Variants in CDK19 observed in about 807,000 individuals in gnomAD.
CDK19 encodes cyclin-dependent kinase 19.
In CDK19, 20 loss-of-function variants were observed where a neutral mutation model predicts 68.3. That is an observed-to-expected ratio of 0.29 (90% CI 0.21 to 0.43). The LOEUF (loss-of-function observed/expected upper bound fraction) is 0.43, where lower values mean the gene tolerates loss of function less well. Ranked by LOEUF, CDK19 falls within the 20% of genes least tolerant of loss-of-function variation. The pLI, the probability that CDK19 is intolerant of heterozygous loss-of-function variation, is 1.00. For synonymous variants in CDK19, 221 were observed against 222.8 expected (o/e 0.99, Z 0.07); for missense variants, 339 against 623.5 (o/e 0.54, Z 4.86).
intron 1 of CDK19, among the ~76,000 whole-genome samples, chr6:110,811,443 G>A (rs957925528): frequency 4.6e-5 from 7 of 152,086 alleles, no homozygotes; most frequent in Non-Finnish European, 8.8e-5. Context: ...TAGAAGAGAC[G>A]GGGTTTCGTC....
At chr6:110,804,604 C>T (rs1019270472) in intron 1 of CDK19, among the ~76,000 whole-genome samples, 3 of 150,706 alleles carry the variant, frequency 2.0e-5, no homozygotes, top group Admixed American at 6.6e-5. Context: ...CCTCGGCCTC[C>T]CAAAGTGCTG....
At chr6:110,659,437 C>T (rs1781487810) in intron 4 of CDK19, among the ~76,000 whole-genome samples, 1 of 152,198 alleles carries the variant, frequency 6.6e-6, no homozygotes, top group African/African-American at 2.4e-5. Context: ...GCATAGTGTC[C>T]TTTCAATGCC....
intron 1 of CDK19, among the ~76,000 whole-genome samples, chr6:110,808,449 G>A (rs114745582): frequency 0.013 from 2,055 of 152,228 alleles, 49 homozygotes; most frequent in African/African-American, 0.047. Context: ...ACTGGTTTAC[G>A]TATTATCTGT....
intron 1 of CDK19, among the ~76,000 whole-genome samples, chr6:110,786,337 T>C (rs145361511): frequency 6.5e-4 from 99 of 152,304 alleles, no homozygotes; most frequent in African/African-American, 1.9e-3. Flanking sequence ...GGATCTGTAT[T>C]TTAAAACCCT....
chr6:110,732,313 C>T (rs577105059), intron 2 of CDK19, among the ~76,000 whole-genome samples: 8 of 152,106 alleles, frequency 5.3e-5, no homozygotes, highest in South Asian at 2.1e-4. Flanking sequence ...CTGGCTGTCA[C>T]GGCGCAAAAC....
intron 1 of CDK19, among the ~76,000 whole-genome samples, chr6:110,756,647 G>C (rs758349985): frequency 2.0e-5 from 3 of 151,664 alleles, no homozygotes; most frequent in Non-Finnish European, 2.9e-5. Context: ...GCATATGTGT[G>C]CACATGTTTG....
At position 110,750,303 on chromosome 6, in the gene CDK19, C is replaced by G. The variant is rs1778387456; in HGVS notation, c.129-4102G>C. Among the ~76,000 whole-genome samples the G allele has an allele frequency of 1.8e-5, 2 of 109,922 alleles. 1 individual carries two copies. Among genetic ancestry groups the G allele is most frequent in the Non-Finnish European group, 4.1e-5 (2 of 49,024 alleles). 72.1% of individuals were successfully genotyped at this position (109,922 alleles called of 152,430 possible). On this transcript the variant is annotated intron_variant, in intron 1 of 12. Transcript: ENST00000368911. ...AGCTCTGAAAGGGATCTAAGACAAT[C>G]CTGTATAATCTGTTCACTTCAGTGA...
At position 110,614,593 on chromosome 6, in the gene CDK19, G is replaced by A; in HGVS notation, c.1451C>T (p.Ser484Phe). ...CTGTGAGCTCTGCTGAGACGAGGAA[G>A]AGTAGCCAAGTGTGCTCTGGGACTG... is the stretch of plus-strand genomic sequence containing the variant. ...SSQSQSTLGY[S>F]SSSQQSSQYH... is the part of the protein sequence containing the mutation. The change falls in exon 13 of 13, where the codon TCT becomes TTT. Residue 484 changes from serine to phenylalanine, a missense_variant. This residue lies in a region of CDK19 where 155 missense variants were observed against 222.7 expected (regional missense o/e 0.70). Coordinates refer to ENST00000368911, the MANE Select transcript of CDK19 (RefSeq NM_015076.5). The A allele has an allele frequency of 1.2e-6, 2 of 1,614,022 alleles. No homozygotes were observed. The highest frequency in any genetic ancestry group is 1.7e-6 in the Non-Finnish European group (2 of 1,179,878).
intron 4 of CDK19, among the ~76,000 whole-genome samples, chr6:110,659,058 A>C (rs1363257817): frequency 1.3e-5 from 2 of 152,188 alleles, no homozygotes; most frequent in Non-Finnish European, 2.9e-5. Context: ...AGGTTCTCAA[A>C]GTTTCTATAT....
intron 2 of CDK19, among the ~76,000 whole-genome samples, chr6:110,686,455 C>T (rs1166503637): frequency 1.3e-5 from 2 of 152,146 alleles, no homozygotes; most frequent in South Asian, 2.1e-4. Flanking sequence ...AGATAAAATC[C>T]CTACTTTATT....
intron 2 of CDK19, among the ~76,000 whole-genome samples, chr6:110,698,643 C>T (rs1395823646): frequency 2.0e-5 from 3 of 152,146 alleles, no homozygotes; most frequent in Non-Finnish European, 4.4e-5. Context: ...ATCCAGCAAT[C>T]CCACTACCAG....
Position 110,720,291 on chromosome 6 carries a change from C to T in CDK19, c.204+25835G>A, listed in dbSNP as rs575281123. Among the ~76,000 whole-genome samples the T allele has an allele frequency of 1.1e-3, 172 of 152,186 alleles. 1 individual carries two copies. Among genetic ancestry groups the T allele is most frequent in the African/African-American group, 4.0e-3 (167 of 41,512 alleles). ...TAGGTTAAAATGTGACTTTAGAGAC[C>T]TTAGACAAGACTTCTTTCACGATCT... On this transcript the variant is annotated intron_variant, in intron 2 of 12. Coordinates refer to ENST00000368911, the MANE Select transcript of CDK19 (RefSeq NM_015076.5).
At position 110,621,416 on chromosome 6, in the gene CDK19, G is replaced by A; in HGVS notation, c.1111-46C>T. ...AGCTTGGTATGAAACCAAATTAACAGGAGCTTTCTTTAATTATTTGATATG... is the reference window on the plus strand; with the variant it reads ...AGCTTGGTATGAAACCAAATTAACAAGAGCTTTCTTTAATTATTTGATATG... On this transcript the variant is annotated intron_variant, in intron 11 of 12. Coordinates refer to ENST00000368911, the MANE Select transcript of CDK19 (RefSeq NM_015076.5). This position sits in a 1 kb window ranked among gnomAD's most constrained non-coding sequence, Gnocchi z 5.4. 6.6e-7 allele frequency: 1 copy of A among 1,512,566 alleles called. No individual in the cohort carries two copies. Among genetic ancestry groups the A allele is most frequent in the Non-Finnish European group, 8.8e-7 (1 of 1,131,432 alleles). The allele number at this position is 1,512,566 out of a possible 1,614,324, so 93.7% of individuals were successfully genotyped here. A position where few individuals can be genotyped will look rare whatever the true frequency, so the allele number is the denominator to read the frequency against.
intron 1 of CDK19, among the ~76,000 whole-genome samples, chr6:110,808,108 T>C (rs1782810065): frequency 6.6e-6 from 1 of 152,220 alleles, no homozygotes; most frequent in South Asian, 2.1e-4. Flanking sequence ...AACATTTTTA[T>C]TGAAAGGTCA....
intron 2 of CDK19, among the ~76,000 whole-genome samples, chr6:110,691,837 G>A (rs979916775): frequency 3.4e-4 from 51 of 150,254 alleles, no homozygotes; most frequent in African/African-American, 1.0e-3. Context: ...TAGTAGAGAC[G>A]GGGTTTCACC....
At chr6:110,804,639 C>A (rs1298280088) in intron 1 of CDK19, among the ~76,000 whole-genome samples, 1 of 150,650 alleles carries the variant, frequency 6.6e-6, no homozygotes, top group Non-Finnish European at 1.5e-5. Flanking sequence ...AGCCACCACA[C>A]CCCGCCAAGT....
chr6:110,807,560 A>T (rs1414261152), intron 1 of CDK19, among the ~76,000 whole-genome samples: 1 of 152,238 alleles, frequency 6.6e-6, no homozygotes, highest in South Asian at 2.1e-4. Context: ...CCCAGGTTCA[A>T]GCAATTATTG....
chr6:110,654,053 C>T (rs543967062), intron 4 of CDK19, among the ~76,000 whole-genome samples: 6 of 152,278 alleles, frequency 3.9e-5, no homozygotes, highest in Admixed American at 2.6e-4. Flanking sequence ...GGAACAGAGA[C>T]AATCAGAATA....
Position 110,712,017 on chromosome 6 carries a change from G to T in CDK19, c.204+34109C>A. 1.3e-5 allele frequency among the ~76,000 whole-genome samples: 2 copies of T among 152,160 alleles called. 1 individual carries two copies. Among genetic ancestry groups the T allele is most frequent in the Non-Finnish European group, 2.9e-5 (2 of 68,018 alleles). ...TACAACGAACTTCAGGTAGTTTTTG[G>T]TACTAGCTAGTAAGATTGGCTACTT... On this transcript the variant is annotated intron_variant, in intron 2 of 12. Coordinates refer to ENST00000368911, the MANE Select transcript of CDK19 (RefSeq NM_015076.5).
Sources: allele counts gnomAD v4.1 joint callset (sites outside exome capture counted in the v4.1 genomes callset), GRCh38; gene constraint gnomAD v4.1.1; regional missense constraint gnomAD v4.1.1; non-coding constraint Gnocchi (gnomAD v3.1); transcripts MANE v1.5; gene names NCBI Gene and HGNC (gene_info 2026-07-23, HGNC 2026-07-21).